The following SMAD2 variants were observed in gnomAD, a reference collection of about 807,000 sequenced individuals.
SMAD2 encodes MAD homolog 2.
Under a neutral mutation model 64.4 loss-of-function variants are expected in SMAD2, and 8 were observed. The ratio of observed to expected loss-of-function variants is 0.12; its 90% confidence interval spans 0.07 to 0.22. SMAD2 has a LOEUF of 0.22. Ranked by LOEUF, SMAD2 falls within the 10% of genes least tolerant of loss-of-function variation. The pLI, the probability that SMAD2 is intolerant of heterozygous loss-of-function variation, is 1.00. For missense variants in SMAD2, 289 were observed against 561.2 expected (o/e 0.51, Z 4.90); for synonymous variants, 203 against 195.8 (o/e 1.04, Z -0.31).
Position 47,896,870 on chromosome 18 carries a change from A to C in SMAD2, c.-53-61T>G, listed in dbSNP as rs374816529. 1.2e-5 allele frequency: 18 copies of C among 1,465,860 alleles called. No individual in the cohort carries two copies. In the African/African-American group the frequency reaches 2.1e-4, roughly 17 times the overall value. The allele number at this position is 1,465,860 out of a possible 1,614,324, so 90.8% of individuals were successfully genotyped here. On this transcript the variant is annotated intron_variant, in intron 1 of 10. Coordinates refer to ENST00000262160, the MANE Select transcript of SMAD2 (RefSeq NM_005901.6). ...CCTTGAACATCAAGTAATAATTTCA[A>C]CTTATCATAGAAAGCAAACTGCAAA...
At chr18:47,880,831 A>T (rs1369538995) in intron 2 of SMAD2, among the ~76,000 whole-genome samples, 1 of 152,176 alleles carries the variant, frequency 6.6e-6, no homozygotes, top group Non-Finnish European at 1.5e-5. Context: ...TCCTGGAGCA[A>T]TTCAAATCAG....
chr18:47,869,444 G>C lies in SMAD2; in HGVS notation c.327-8C>G, dbSNP rs183623000. 2.4e-5 allele frequency: 39 copies of C among 1,600,990 alleles called. No individual in the cohort carries two copies. Among genetic ancestry groups the C allele is most frequent in the Non-Finnish European group, 3.0e-5 (35 of 1,172,516 alleles). On this transcript the variant is annotated splice_polypyrimidine_tract_variant and splice_region_variant and intron_variant, in intron 3 of 10. Transcript: ENST00000262160. Reference sequence around the variant, plus strand: ...AGACGACCATCAAGAGACCTGTTGGGAAGCAAGGGGAAAAGAAAGGAGGGA... The same window carrying C: ...AGACGACCATCAAGAGACCTGTTGGCAAGCAAGGGGAAAAGAAAGGAGGGA...
rs1428703165 is a variant in SMAD2 at position 47,811,825 on chromosome 18, G to A, written c.*30002C>T. On this transcript the variant is annotated 3_prime_UTR_variant, in exon 11 of 11. Coordinates refer to ENST00000262160, the MANE Select transcript of SMAD2 (RefSeq NM_005901.6). ...GAGAATCAACCAACCTAGATCTTCT[G>A]AGCACCTGTCAGTCGATCAAGAAGC... 6.6e-6 allele frequency: 1 copy of A among 152,184 alleles called. No homozygotes were observed. Among genetic ancestry groups the A allele is most frequent in the Non-Finnish European group, 1.5e-5 (1 of 68,034 alleles). 9.4% of individuals were successfully genotyped at this position (152,184 alleles called of 1,614,324 possible). A position where few individuals can be genotyped will look rare whatever the true frequency, so the allele number is the denominator to read the frequency against.
rs1015132411 is a variant in SMAD2, at chr18:47,818,536, C to T, written c.*23291G>A. On this transcript the variant is annotated 3_prime_UTR_variant, in exon 11 of 11. Transcript: ENST00000262160. ...CTATGCAAAGGCTAAAAGAACAAAA[C>T]AAAAACCCCTCATCCACAACTGCTA... 1 of 152,244 alleles carries T rather than the reference C, an allele frequency of 6.6e-6. No individual in the cohort carries two copies. Among genetic ancestry groups the T allele is most frequent in the Non-Finnish European group, 1.5e-5 (1 of 67,992 alleles). The allele number at this position is 152,244 out of a possible 1,614,324, so 9.4% of individuals were successfully genotyped here. A position where few individuals can be genotyped will look rare whatever the true frequency, so the allele number is the denominator to read the frequency against.
chr18:47,849,787 CGTTT>C (rs1568039218), intron 7 of SMAD2, among the ~76,000 whole-genome samples: 1 of 151,942 alleles, frequency 6.6e-6, no homozygotes, highest in East Asian at 1.9e-4. Context: ...GTGGGTGATT[CGTTT>C]GAGGCCAGGA....
chr18:47,861,718 C>A (rs1468427229), intron 6 of SMAD2, among the ~76,000 whole-genome samples: 1 of 152,188 alleles, frequency 6.6e-6, no homozygotes, highest in Non-Finnish European at 1.5e-5. Flanking sequence ...TCCTAAACCA[C>A]AAAAATCAAG....
At chr18:47,907,475 A>C (rs796688103) in intron 1 of SMAD2, among the ~76,000 whole-genome samples, 29 of 152,360 alleles carry the variant, frequency 1.9e-4, no homozygotes, top group African/African-American at 7.0e-4. Flanking sequence ...AGTCAAGATG[A>C]CCATCTCAGA....
At chr18:47,882,040 GCTTT>G (rs2032624748) in intron 2 of SMAD2, among the ~76,000 whole-genome samples, 1 of 37,326 alleles carries the variant, frequency 2.7e-5, no homozygotes, top group African/African-American at 9.5e-5. Context: ...ACCACGCTTG[GCTTT>G]TTTTTTTTTT....
At chr18:47,887,126 A>G (rs2032955117) in intron 2 of SMAD2, among the ~76,000 whole-genome samples, 1 of 152,132 alleles carries the variant, frequency 6.6e-6, no homozygotes, top group South Asian at 2.1e-4. Context: ...CACTCTAGTC[A>G]TTGCTCTCCA....
rs1912543410 is a variant in SMAD2, at chr18:47,820,811, T to C, written c.*21016A>G. 1 of 152,144 alleles carries C rather than the reference T, an allele frequency of 6.6e-6. No homozygotes were observed. The highest frequency in any genetic ancestry group is 6.5e-5 in the Admixed American group (1 of 15,268). 9.4% of individuals were successfully genotyped at this position (152,144 alleles called of 1,614,324 possible). The stretch of plus-strand genomic sequence containing the variant: ...GAGCTTACATATATACTTGTACATA[T>C]GTATATGTACAATAATACAGTATAT... On this transcript the variant is annotated 3_prime_UTR_variant, in exon 11 of 11. Coordinates refer to ENST00000262160, the MANE Select transcript of SMAD2 (RefSeq NM_005901.6).
In SMAD2 at chr18:47,850,467, A is replaced by T. The variant is rs866002979; in HGVS notation, c.784+807T>A. Among the ~76,000 whole-genome samples the T allele has an allele frequency of 5.4e-4, 12 of 22,404 alleles. 3 individuals are homozygous for T. Among genetic ancestry groups the T allele is most frequent in the African/African-American group, 2.4e-3 (12 of 4,930 alleles). 14.7% of individuals were successfully genotyped at this position (22,404 alleles called of 152,430 possible). On this transcript the variant is annotated intron_variant, in intron 7 of 10. Transcript: ENST00000262160. ...TAATATATATTATATATTATACATA[A>T]TATATATTATATATTATATATTATG...
At chr18:47,926,087 C>T (rs1484355145) in intron 1 of SMAD2, among the ~76,000 whole-genome samples, 2 of 152,222 alleles carry the variant, frequency 1.3e-5, no homozygotes, top group East Asian at 3.8e-4. Flanking sequence ...TGCTACCACA[C>T]TGAAACAGCC....
chr18:47,867,242 C>T (rs955436973), intron 5 of SMAD2: 2 of 151,962 alleles, frequency 1.3e-5, no homozygotes, highest in Non-Finnish European at 2.9e-5. Flanking sequence ...TGGAATAAAA[C>T]AGTAATCAAA....
intron 1 of SMAD2, among the ~76,000 whole-genome samples, chr18:47,910,142 C>A: frequency 6.8e-6 from 1 of 146,210 alleles, no homozygotes; most frequent in Non-Finnish European, 1.5e-5. Context: ...CAGAGCCTAT[C>A]GAGGAAATCA....
chr18:47,916,396 ATATTTATT>A (rs112501365), intron 1 of SMAD2, among the ~76,000 whole-genome samples: 9 of 151,342 alleles, frequency 5.9e-5, no homozygotes, highest in Non-Finnish European at 2.9e-5. Context: ...TGGTACAGGT[ATATTTATT>A]TATTTATTTT....
chr18:47,860,440 T>C (rs1598786595), intron 6 of SMAD2, among the ~76,000 whole-genome samples: 2 of 150,778 alleles, frequency 1.3e-5, no homozygotes, highest in South Asian at 4.2e-4. Flanking sequence ...CCTGGCTAAT[T>C]TAAAAAAAAA....
chr18:47,857,140 T>A (rs1286799613), intron 6 of SMAD2, among the ~76,000 whole-genome samples: 2 of 152,228 alleles, frequency 1.3e-5, no homozygotes, highest in Non-Finnish European at 2.9e-5. Context: ...TAATTTTTTA[T>A]AATGAACATC....
intron 2 of SMAD2, among the ~76,000 whole-genome samples, chr18:47,874,103 T>C (rs1417180974): frequency 2.0e-5 from 3 of 152,214 alleles, no homozygotes; most frequent in African/African-American, 7.2e-5. Context: ...GATGTCCATC[T>C]GACCTAATTC....
At chr18:47,876,740 G>C (rs1027023384) in intron 2 of SMAD2, among the ~76,000 whole-genome samples, 1 of 151,788 alleles carries the variant, frequency 6.6e-6, no homozygotes, top group Admixed American at 6.6e-5. Context: ...CTTCATCTAA[G>C]AATAAGCTGA....
Sources: allele counts gnomAD v4.1 joint callset (sites outside exome capture counted in the v4.1 genomes callset), GRCh38; gene constraint gnomAD v4.1.1; transcripts MANE v1.5; gene names NCBI Gene and HGNC (gene_info 2026-07-23, HGNC 2026-07-21).